GART: variants seen among roughly 807,000 people sequenced by gnomAD.
GART encodes the protein phosphoribosylglycinamide formyltransferase, phosphoribosylglycinamide synthetase, phosphoribosylaminoimidazole synthetase.
A neutral mutation model predicts 107.2 loss-of-function variants in GART; 43 were observed. The ratio of observed to expected loss-of-function variants is 0.40; its 90% CI spans 0.31 to 0.52. The LOEUF is 0.52. GART is among the 20% of genes least tolerant of loss of function. GART has a pLI of 0.52. For synonymous variants in GART, 434 were observed against 427.0 expected (o/e 1.02, Z -0.20); for missense variants, 1,107 against 1,206.5 (o/e 0.92, Z 1.22).
At chr21:33,536,456 A>C (rs113876859) in intron 2 of GART, among the ~76,000 whole-genome samples, 1 of 152,210 alleles carries the variant, frequency 6.6e-6, no homozygotes, top group African/African-American at 2.4e-5. Flanking sequence ...ACAAGAAGTG[A>C]TATTTGTGAT....
Position 33,505,630 on chromosome 21 carries a change from A to T in GART, c.2656T>A (p.Ser886Thr). The change falls in exon 20 of 22, where the codon TCC becomes ACC. Residue 886 changes from serine to threonine, a missense_variant. Physicochemically the swap from Ser to Thr is moderately conservative, Grantham distance 58. Coordinates refer to ENST00000381815, the MANE Select transcript of GART (RefSeq NM_000819.5). ...SAIDLVLEEF[S>T]IDIVCLAGFM... Reference sequence around the variant, plus strand: ...CCTGCAAGACAGACTATGTCTATGGAGAACTCTTCAAGGACTAGGTCAATT... The same window carrying T: ...CCTGCAAGACAGACTATGTCTATGGTGAACTCTTCAAGGACTAGGTCAATT... 1 of 1,612,958 alleles carries T rather than the reference A, an allele frequency of 6.2e-7. No individual in the cohort carries two copies. Among genetic ancestry groups the T allele is most frequent in the Non-Finnish European group, 8.5e-7 (1 of 1,179,260 alleles).
At chr21:33,507,556 C>A (rs995549302) in intron 18 of GART, among the ~76,000 whole-genome samples, 2 of 152,154 alleles carry the variant, frequency 1.3e-5, no homozygotes, top group African/African-American at 4.8e-5. Flanking sequence ...TGTGGTGGCT[C>A]ACACCTATAA....
intron 1 of GART, among the ~76,000 whole-genome samples, chr21:33,541,857 C>G (rs2085436519): frequency 6.6e-6 from 1 of 152,170 alleles, no homozygotes; most frequent in South Asian, 2.1e-4. Flanking sequence ...GCCTTGACAT[C>G]TTAGAAAACA....
intron 14 of GART, among the ~76,000 whole-genome samples, chr21:33,519,359 C>T (rs1261654185): frequency 6.6e-6 from 1 of 152,070 alleles, no homozygotes; most frequent in Non-Finnish European, 1.5e-5. Context: ...TGAGACCATC[C>T]TGGCTAACAC....
chr21:33,511,166 G>T, intron 17 of GART, 86 bp downstream of exon 17: 1 of 1,385,618 alleles, frequency 7.2e-7, no homozygotes, highest in Non-Finnish European at 1.0e-6. Context: ...TAAAAGGTGG[G>T]CAGAAAGCTT....
chr21:33,538,403 AT>A (rs201137454), intron 2 of GART, among the ~76,000 whole-genome samples: 439 of 149,178 alleles, frequency 2.9e-3, no homozygotes, highest in Non-Finnish European at 4.3e-3. Context: ...TAATTTTTGT[AT>A]TTTTTTTTTG....
At chr21:33,537,659 GAC>G (rs1449476665) in intron 2 of GART, among the ~76,000 whole-genome samples, 5 of 152,146 alleles carry the variant, frequency 3.3e-5, no homozygotes, top group African/African-American at 2.4e-5. Flanking sequence ...ATAATGAGGA[GAC>G]AGTCATAGTA....
intron 10 of GART, among the ~76,000 whole-genome samples, chr21:33,526,888 C>CTA (rs1475163161): frequency 6.6e-6 from 1 of 152,086 alleles, no homozygotes; most frequent in African/African-American, 2.4e-5. Context: ...TTTTCCGTCT[C>CTA]TATTTCTTTT....
chr21:33,504,121 G>A lies in GART; in HGVS notation c.*3C>T. ...ACTGGCCCCATTTCTGAATTAAAAG[G>A]CTTCATTCCTCTTTAACCCAACAGA... On this transcript the variant is annotated 3_prime_UTR_variant, in exon 22 of 22. Transcript: ENST00000381815. 1 of 1,597,290 alleles carries A rather than the reference G, an allele frequency of 6.3e-7. No homozygotes were observed. The highest frequency in any genetic ancestry group is 8.5e-7 in the Non-Finnish European group (1 of 1,170,508).
At position 33,517,159 on chromosome 21, in the gene GART, A is replaced by G. The variant is rs370751258; in HGVS notation, c.1955-18T>C. ...TAAGTCCCCTGCATGTTGAAGAGAG[A>G]AGACAAAAACTTAGCCTATGAATAG... On this transcript the variant is annotated intron_variant, in intron 15 of 21. Coordinates refer to ENST00000381815, the MANE Select transcript of GART (RefSeq NM_000819.5). 313 of 1,590,716 alleles carry G rather than the reference A, an allele frequency of 2.0e-4. 1 individual carries two copies. Among genetic ancestry groups the G allele is most frequent in the Non-Finnish European group, 2.3e-4 (267 of 1,172,850 alleles).
At chr21:33,509,981 G>C in intron 17 of GART, 61 bp from the exon 18 acceptor site, 2 of 1,457,266 alleles carry the variant, frequency 1.4e-6, no homozygotes, top group South Asian at 2.5e-5. Flanking sequence ...AAGAATAATG[G>C]AAAGAAAAAT....
intron 4 of GART, among the ~76,000 whole-genome samples, chr21:33,533,159 G>T (rs1222787303): frequency 6.6e-6 from 1 of 152,180 alleles, no homozygotes; most frequent in East Asian, 1.9e-4. Flanking sequence ...TGCAATAGTG[G>T]CCAGGCGCGG....
intron 4 of GART, among the ~76,000 whole-genome samples, chr21:33,533,370 C>T (rs1029629532): frequency 7.4e-5 from 11 of 149,526 alleles, no homozygotes; most frequent in Non-Finnish European, 5.9e-5. Flanking sequence ...ACCTGGGAGG[C>T]GGAGCTTGCA....
chr21:33,513,946 G>A lies in GART; in HGVS notation c.2108-2488C>T, dbSNP rs1458476003. Among the ~76,000 whole-genome samples, 3 of 152,254 alleles carry A rather than the reference G, an allele frequency of 2.0e-5. No homozygotes were observed. In the East Asian group the frequency reaches 5.8e-4, roughly 29 times the overall value. On this transcript the variant is annotated intron_variant, in intron 16 of 21. Coordinates refer to ENST00000381815, the MANE Select transcript of GART (RefSeq NM_000819.5). ...TTCTATAAATGAACAAGTACTTCAT[G>A]AATAATGTAAGTTGTAATTTTAATG...
At chr21:33,541,790 A>G (rs1355668667) in intron 1 of GART, among the ~76,000 whole-genome samples, 2 of 152,242 alleles carry the variant, frequency 1.3e-5, no homozygotes, top group Admixed American at 1.3e-4. Context: ...CGGGTGCATA[A>G]AGAGAAAGTA....
At chr21:33,530,992 G>GT (rs924741144) in intron 6 of GART, 108 bp from the exon 7 acceptor site, 124,640 of 750,164 alleles carry the variant, frequency 0.17, no homozygotes, top group East Asian at 0.21. Flanking sequence ...GGAAAAGTTT[G>GT]TTTTTTTTTT....
rs150667301 is a variant in GART, at chr21:33,511,435, T to C, written c.2131A>G (p.Arg711Gly). 6.2e-7 allele frequency: 1 copy of C among 1,614,026 alleles called. No homozygotes were observed. Among genetic ancestry groups the C allele is most frequent in the African/African-American group, 1.3e-5 (1 of 74,904 alleles). The change falls in exon 17 of 22, where the codon AGG becomes GGG. Residue 711 changes from arginine (R) to glycine (G), a missense_variant. Coordinates refer to ENST00000381815, the MANE Select transcript of GART (RefSeq NM_000819.5). ...DLDAQTWRIPRVFSWLQQEGH... is the reference protein window; with the variant it reads ...DLDAQTWRIPGVFSWLQQEGH... ...TCCTGCTGCAACCATGAGAAGACCC[T>C]GGGGATCCTCCAGGTCTGGGCATCT...
chr21:33,527,124 G>A (rs755126164), intron 10 of GART, among the ~76,000 whole-genome samples: 9 of 152,178 alleles, frequency 5.9e-5, no homozygotes, highest in Non-Finnish European at 1.0e-4. Context: ...ATATTCAAAA[G>A]GAATCAATTC....
At chr21:33,505,857 G>A (rs776092699) in intron 19 of GART, 117 bp downstream of exon 19, 30 of 1,455,524 alleles carry the variant, frequency 2.1e-5, no homozygotes, top group Non-Finnish European at 2.8e-5. Context: ...GGCAAGCCCA[G>A]CACCCACCCA....
Sources: allele counts gnomAD v4.1 joint callset (sites outside exome capture counted in the v4.1 genomes callset), GRCh38; gene constraint gnomAD v4.1.1; transcripts MANE v1.5; gene names NCBI Gene and HGNC (gene_info 2026-07-23, HGNC 2026-07-21).